Variants in CNNM2 observed in about 807,000 individuals in gnomAD.
CNNM2 encodes metal transporter CNNM2.
In CNNM2, 12 loss-of-function variants were observed where a neutral mutation model predicts 66.9. That is an observed-to-expected ratio of 0.18 (90% CI 0.11 to 0.29). The LOEUF (loss-of-function observed/expected upper bound fraction) is 0.29, where lower values mean the gene tolerates loss of function less well. Ranked by LOEUF, CNNM2 falls within the 10% of genes least tolerant of loss-of-function variation. The pLI, the probability that CNNM2 is intolerant of heterozygous loss-of-function variation, is 1.00. For synonymous variants in CNNM2, 557 were observed against 501.8 expected, an observed-to-expected ratio of 1.11 and a Z score of -1.47; for missense variants, 705 against 1,167.7, an observed-to-expected ratio of 0.60 and a Z score of 5.77.
intron 1 of CNNM2, among the ~76,000 whole-genome samples, chr10:102,950,000 A>G (rs987665962): frequency 2.0e-5 from 3 of 152,198 alleles, no homozygotes; most frequent in Non-Finnish European, 4.4e-5. Flanking sequence ...TACCTAAAGC[A>G]CGACCACTAT....
rs535583825 is a variant in CNNM2 at position 103,086,291 on chromosome 10, A to T, written c.*9111A>T. ...ACCACTAAAGATCATCATGAGAAAC[A>T]TAAGTATTTGAGCCCTAAACTACTA... On this transcript the variant is annotated 3_prime_UTR_variant, in exon 8 of 8. Coordinates refer to ENST00000369878, the MANE Select transcript of CNNM2 (RefSeq NM_017649.5). 2 of 152,234 alleles carry T rather than the reference A, an allele frequency of 1.3e-5. No homozygotes were observed. The highest frequency in any genetic ancestry group is 1.9e-4 in the East Asian group (1 of 5,194). 9.4% of individuals were successfully genotyped at this position (152,234 alleles called of 1,614,324 possible). A position where few individuals can be genotyped will look rare whatever the true frequency, so the allele number is the denominator to read the frequency against.
chr10:103,068,613 C>T lies in CNNM2; in HGVS notation c.2074-16C>T, dbSNP rs753263746. On this transcript the variant is annotated splice_polypyrimidine_tract_variant and intron_variant, in intron 4 of 7. Coordinates refer to ENST00000369878, the MANE Select transcript of CNNM2 (RefSeq NM_017649.5). ...TTTGCAACTGGACTGAAAATACCTG[C>T]CTTTTCTCTCCACAGGGGAAAGTGG... The T allele has an allele frequency of 3.7e-5, 59 of 1,600,548 alleles. No individual in the cohort carries two copies. Among genetic ancestry groups the T allele is most frequent in the Non-Finnish European group, 5.0e-5 (59 of 1,172,238 alleles).
chr10:103,016,534 T>C (rs2064454517), intron 1 of CNNM2, among the ~76,000 whole-genome samples: 1 of 152,140 alleles, frequency 6.6e-6, no homozygotes, highest in Non-Finnish European at 1.5e-5. Context: ...CCCCCACTTA[T>C]TTTCAAGCCA....
intron 1 of CNNM2, among the ~76,000 whole-genome samples, chr10:102,950,714 A>T (rs1025941664): frequency 1.3e-5 from 2 of 152,106 alleles, no homozygotes; most frequent in Admixed American, 6.6e-5. Context: ...TGATTAAACC[A>T]GTACACTCCA....
intron 1 of CNNM2, among the ~76,000 whole-genome samples, chr10:102,955,201 C>G (rs189815239): frequency 2.1e-4 from 32 of 152,258 alleles, no homozygotes; most frequent in African/African-American, 7.0e-4. Flanking sequence ...TGGAACAGAA[C>G]AGAGGCCTCA....
At chr10:102,998,248 T>G (rs1205104106) in intron 1 of CNNM2, among the ~76,000 whole-genome samples, 1 of 152,240 alleles carries the variant, frequency 6.6e-6, no homozygotes, top group Non-Finnish European at 1.5e-5. Context: ...CAGAGCAGTT[T>G]TACCTGTATC....
At chr10:103,072,649 A>G (rs957709017) in intron 6 of CNNM2, among the ~76,000 whole-genome samples, 1 of 152,248 alleles carries the variant, frequency 6.6e-6, no homozygotes, top group African/African-American at 2.4e-5. Context: ...ACGTCCAGCT[A>G]TTAAAAAGAA....
rs2063584437 is a variant in CNNM2, at chr10:102,973,832, T to C, written c.1621+53731T>C. On this transcript the variant is annotated intron_variant, in intron 1 of 7. Transcript: ENST00000369878. ...TTCATGTATTCCCCCCCCCCCTTTT[T>C]TAAAACAACATCATCTTGTATTTAC... Among the ~76,000 whole-genome samples, 4 of 147,428 alleles carry C rather than the reference T, an allele frequency of 2.7e-5. 1 individual carries two copies. Among genetic ancestry groups the C allele is most frequent in the Admixed American group, 2.0e-4 (3 of 14,930 alleles).
At chr10:102,949,723 G>A (rs958444343) in intron 1 of CNNM2, among the ~76,000 whole-genome samples, 1 of 152,098 alleles carries the variant, frequency 6.6e-6, no homozygotes, top group African/African-American at 2.4e-5. Flanking sequence ...CTGGAGGGCG[G>A]AGGTTGCAGT....
chr10:103,068,663 T>C lies in CNNM2; in HGVS notation c.2108T>C (p.Met703Thr). The C allele has an allele frequency of 6.2e-7, 1 of 1,613,192 alleles. No homozygotes were observed. Among genetic ancestry groups the C allele is most frequent in the Non-Finnish European group, 8.5e-7 (1 of 1,179,620 alleles). The change falls in exon 5 of 8, where the codon ATG becomes ACG. Residue 703 changes from methionine (M) to threonine (T), a missense_variant. Physicochemically the swap from Met to Thr is moderately conservative, Grantham distance 81 (BLOSUM62 -1). This residue lies in a region of CNNM2 where 194 missense variants were observed against 227.6 expected (regional missense o/e 0.85). Coordinates refer to ENST00000369878, the MANE Select transcript of CNNM2 (RefSeq NM_017649.5). Reference sequence around the variant, plus strand: ...GAAGTTGAAGCTGGGAAAGAAGGTATGAAGTTTGAAGCGAGCGCCTTCTCA... The same window carrying C: ...GAAGTTGAAGCTGGGAAAGAAGGTACGAAGTTTGAAGCGAGCGCCTTCTCA... ...KVEVEAGKEGMKFEASAFSYY... is the reference protein window; with the variant it reads ...KVEVEAGKEGTKFEASAFSYY...
At chr10:102,935,262 A>G (rs2134171409) in intron 1 of CNNM2, among the ~76,000 whole-genome samples, 1 of 151,958 alleles carries the variant, frequency 6.6e-6, no homozygotes, top group South Asian at 2.1e-4. Context: ...CCAGGAATTC[A>G]AGACCAGCCT....
chr10:103,024,291 C>G (rs867341568), intron 1 of CNNM2, among the ~76,000 whole-genome samples: 1 of 151,866 alleles, frequency 6.6e-6, no homozygotes, highest in Non-Finnish European at 1.5e-5. Context: ...CACAATATAC[C>G]CATTACCAAT....
At chr10:102,935,798 T>G (rs1369318356) in intron 1 of CNNM2, among the ~76,000 whole-genome samples, 9 of 120,176 alleles carry the variant, frequency 7.5e-5, no homozygotes, top group Admixed American at 5.8e-4. Flanking sequence ...TTTTTTTTTT[T>G]GTAGAAGGCA....
At chr10:102,981,546 A>G (rs1590344699) in intron 1 of CNNM2, among the ~76,000 whole-genome samples, 1 of 150,326 alleles carries the variant, frequency 6.7e-6, no homozygotes, top group Non-Finnish European at 1.5e-5. Context: ...GCATGCCACC[A>G]CACCCGGCTA....
At chr10:102,964,646 A>G (rs1021353843) in intron 1 of CNNM2, among the ~76,000 whole-genome samples, 10 of 152,148 alleles carry the variant, frequency 6.6e-5, no homozygotes, top group Admixed American at 6.6e-5. Flanking sequence ...GCTGTGATAC[A>G]GCAGAGAAGA....
At position 103,070,943 on chromosome 10, in the gene CNNM2, G is replaced by C. The variant is rs76969075; in HGVS notation, c.2168-831G>C. On this transcript the variant is annotated intron_variant, in intron 5 of 7. Coordinates refer to ENST00000369878, the MANE Select transcript of CNNM2 (RefSeq NM_017649.5). ...AGAATCCATCTGAAACTAAAAAAGC[G>C]GGGGGGGAATTTCATTAATGGCATC... is the stretch of plus-strand genomic sequence containing the variant. Among the ~76,000 whole-genome samples, 628 of 150,454 alleles carry C rather than the reference G, an allele frequency of 4.2e-3. 19 individuals carry two copies. The East Asian group carries it at 0.074, about 18-fold the overall frequency.
At chr10:102,957,461 A>G (rs1847087726) in intron 1 of CNNM2, among the ~76,000 whole-genome samples, 2 of 152,152 alleles carry the variant, frequency 1.3e-5, no homozygotes, top group African/African-American at 4.8e-5. Flanking sequence ...TAGAAGGGAA[A>G]GTTTTTGAGT....
chr10:102,975,102 C>T (rs1317547463), intron 1 of CNNM2, among the ~76,000 whole-genome samples: 1 of 152,112 alleles, frequency 6.6e-6, no homozygotes. Flanking sequence ...AATTTAAAGA[C>T]TAATTTGCAG....
intron 1 of CNNM2, among the ~76,000 whole-genome samples, chr10:103,026,861 G>A (rs570781697): frequency 7.9e-5 from 12 of 152,250 alleles, no homozygotes; most frequent in Non-Finnish European, 1.2e-4. Context: ...TTCCTTGGTC[G>A]ACTTCCAGTT....
Sources: allele counts gnomAD v4.1 joint callset (sites outside exome capture counted in the v4.1 genomes callset), GRCh38; gene constraint gnomAD v4.1.1; regional missense constraint gnomAD v4.1.1; transcripts MANE v1.5; gene names NCBI Gene and HGNC (gene_info 2026-07-23, HGNC 2026-07-21).